The following EIPR1 variants were observed in gnomAD, a reference collection of about 807,000 sequenced individuals.
EIPR1 encodes the protein EARP complex and GARP complex interacting protein 1.
EIPR1 carries 25 observed loss-of-function variants against 48.1 expected under a neutral mutation model. The observed-to-expected ratio is 0.52, with a 90% CI of 0.38 to 0.73. The LOEUF is 0.73. Ranked by LOEUF, EIPR1 falls within the 30% of genes least tolerant of loss-of-function variation. EIPR1 has a pLI of 0.00. For synonymous variants in EIPR1, 204 were observed against 201.9 expected, an observed-to-expected ratio of 1.01 and a Z score of -0.09; for missense variants, 415 against 506.2, an observed-to-expected ratio of 0.82 and a Z score of 1.73.
chr2:3,194,024 T>C lies in EIPR1; in HGVS notation c.796A>G (p.Lys266Glu). Reference protein sequence around the residue: ...WDTRNVTEPVKTLEEHSHWVW... With the variant: ...WDTRNVTEPVETLEEHSHWVW... Reference sequence around the variant, plus strand: ...CAGTGGGAGTGCTCCTCCAGGGTCTTCACGGGTTCGGTGACATTTCGGGTG... The same window carrying C: ...CAGTGGGAGTGCTCCTCCAGGGTCTCCACGGGTTCGGTGACATTTCGGGTG... The change falls in exon 7 of 9, where the codon AAG becomes GAG. Residue 266 changes from lysine to glutamate, a missense_variant. Physicochemically the swap from Lys to Glu is moderately conservative, Grantham distance 56 (BLOSUM62 1). Coordinates refer to ENST00000382125, the MANE Select transcript of EIPR1 (RefSeq NM_003310.5). The C allele has an allele frequency of 6.2e-7, 1 of 1,613,850 alleles. No individual in the cohort carries two copies. The highest frequency in any genetic ancestry group is 1.1e-5 in the South Asian group (1 of 91,078).
intron 1 of EIPR1, among the ~76,000 whole-genome samples, chr2:3,366,600 G>A (rs1256097070): frequency 1.3e-5 from 2 of 152,040 alleles, no homozygotes; most frequent in East Asian, 3.9e-4. Flanking sequence ...AGAAGTGAGT[G>A]TTCACAAGAA....
At chr2:3,294,181 G>A (rs932757894) in intron 3 of EIPR1, among the ~76,000 whole-genome samples, 2 of 152,094 alleles carry the variant, frequency 1.3e-5, no homozygotes, top group Non-Finnish European at 2.9e-5. Context: ...TTATAACCAT[G>A]TGACTGCTTT....
chr2:3,240,967 A>C (rs1400808371), intron 4 of EIPR1, among the ~76,000 whole-genome samples: 27 of 117,780 alleles, frequency 2.3e-4, no homozygotes, highest in African/African-American at 2.7e-4. Context: ...GATCCCTCCT[A>C]AAGCAAAGCC....
chr2:3,246,787 C>CGGAG (rs1356843846), intron 4 of EIPR1, among the ~76,000 whole-genome samples: 10 of 51,392 alleles, frequency 1.9e-4, no homozygotes, highest in Non-Finnish European at 3.3e-4. Context: ...AAGGGAGAAA[C>CGGAG]GGAGGGAGGG....
intron 2 of EIPR1, among the ~76,000 whole-genome samples, chr2:3,347,454 C>G (rs1212760593): frequency 6.6e-6 from 1 of 152,214 alleles, no homozygotes; most frequent in African/African-American, 2.4e-5. Context: ...TGCACAAGCT[C>G]TCTTTGCCTG....
intron 1 of EIPR1, chr2:3,377,322 C>A: frequency 2.8e-6 from 1 of 355,668 alleles, no homozygotes; most frequent in Non-Finnish European, 5.0e-6. Context: ...ACAGTTCCTA[C>A]CTTCAGGAAC....
chr2:3,376,087 C>T lies in EIPR1; in HGVS notation c.42+1561G>A, dbSNP rs536351536. 4.6e-5 allele frequency among the ~76,000 whole-genome samples: 7 copies of T among 151,882 alleles called. No individual in the cohort carries two copies. The South Asian group carries it at 1.5e-3, about 32-fold the overall frequency. ...CTCAGGAGTGTGAGACCAGCCTGGG[C>T]AACATGGCGAAACCCCATTTCTACA... On this transcript the variant is annotated intron_variant, in intron 1 of 8. Coordinates refer to ENST00000382125, the MANE Select transcript of EIPR1 (RefSeq NM_003310.5).
intron 4 of EIPR1, among the ~76,000 whole-genome samples, chr2:3,229,086 G>C (rs1364631537): frequency 6.6e-6 from 1 of 152,232 alleles, no homozygotes; most frequent in Non-Finnish European, 1.5e-5. Flanking sequence ...GAACAGAGCA[G>C]TTGACAAGGA....
intron 3 of EIPR1, among the ~76,000 whole-genome samples, chr2:3,316,478 C>A (rs528471488): frequency 6.6e-6 from 1 of 152,184 alleles, no homozygotes; most frequent in African/African-American, 2.4e-5. Context: ...CATACTTCTA[C>A]ACAAACTTCC....
chr2:3,288,647 G>A (rs1387178711), intron 3 of EIPR1, among the ~76,000 whole-genome samples: 6 of 152,194 alleles, frequency 3.9e-5, no homozygotes, highest in African/African-American at 1.4e-4. Context: ...GCATCAGAGG[G>A]TGGCAGCTGC....
intron 3 of EIPR1, among the ~76,000 whole-genome samples, chr2:3,288,856 T>C (rs758562177): frequency 2.4e-4 from 36 of 152,330 alleles, no homozygotes; most frequent in Admixed American, 5.2e-4. Context: ...CAGCCATTCC[T>C]GCATGGGATG....
At chr2:3,241,972 C>A (rs1666643034) in intron 4 of EIPR1, among the ~76,000 whole-genome samples, 1 of 152,186 alleles carries the variant, frequency 6.6e-6, no homozygotes, top group African/African-American at 2.4e-5. Flanking sequence ...CTCAGAACAA[C>A]CTCAACACAA....
intron 5 of EIPR1, chr2:3,208,954 C>T: frequency 6.7e-7 from 1 of 1,498,706 alleles, no homozygotes; most frequent in Non-Finnish European, 8.9e-7. Flanking sequence ...TCAGATTCTT[C>T]CCTCTAATAG....
At chr2:3,260,766 G>C (rs2103225433) in intron 3 of EIPR1, among the ~76,000 whole-genome samples, 1 of 152,262 alleles carries the variant, frequency 6.6e-6, no homozygotes, top group South Asian at 2.1e-4. Context: ...CACCAGAAAA[G>C]ATGCTCAACA....
intron 4 of EIPR1, among the ~76,000 whole-genome samples, chr2:3,217,104 G>A (rs1217436275): frequency 6.6e-6 from 1 of 152,154 alleles, no homozygotes; most frequent in Non-Finnish European, 1.5e-5. Flanking sequence ...GAAAAGGGGT[G>A]GCTCTAAACA....
At chr2:3,199,250 C>T (rs1051875741) in intron 5 of EIPR1, among the ~76,000 whole-genome samples, 16 of 152,258 alleles carry the variant, frequency 1.1e-4, no homozygotes, top group Admixed American at 8.5e-4. Context: ...TTGCTGTTAT[C>T]CTGTTCTTAA....
intron 3 of EIPR1, among the ~76,000 whole-genome samples, chr2:3,279,879 C>T (rs1271451878): frequency 1.3e-5 from 2 of 152,246 alleles, no homozygotes; most frequent in African/African-American, 2.4e-5. Context: ...CTTATATCCA[C>T]GTCTCTGGCT....
rs563723686 is a variant in EIPR1 at position 3,189,585 on chromosome 2, C to T, written c.990-77G>A. ...AGGAGAGGGGCAGGGAGGACGCGAG[C>T]GCTGACATCGGGAGACACGGGAGGT... On this transcript the variant is annotated intron_variant, in intron 8 of 8. Transcript: ENST00000382125. The surrounding 1 kb of genome is among the most constrained non-coding windows in gnomAD (Gnocchi z 4.6). 9.4e-6 allele frequency: 13 copies of T among 1,376,942 alleles called. No individual in the cohort carries two copies. Among genetic ancestry groups the T allele is most frequent in the Admixed American group, 4.8e-5 (2 of 41,740 alleles). 85.3% of individuals were successfully genotyped at this position (1,376,942 alleles called of 1,614,324 possible).
At chr2:3,267,278 G>T (rs1188788702) in intron 3 of EIPR1, among the ~76,000 whole-genome samples, 1 of 152,230 alleles carries the variant, frequency 6.6e-6, no homozygotes, top group Non-Finnish European at 1.5e-5. Flanking sequence ...GGACCAGAGG[G>T]ATGCCCCGGG....
Sources: allele counts gnomAD v4.1 joint callset (sites outside exome capture counted in the v4.1 genomes callset), GRCh38; gene constraint gnomAD v4.1.1; non-coding constraint Gnocchi (gnomAD v3.1); transcripts MANE v1.5; gene names NCBI Gene and HGNC (gene_info 2026-07-23, HGNC 2026-07-21).